The following RAB38 variants were observed in gnomAD, a reference collection of about 807,000 sequenced individuals.
The protein encoded by RAB38 is RAB38, member RAS oncogene family, also known as ras-related protein Rab-38.
RAB38 carries 15 observed loss-of-function variants against 18.4 expected under a neutral mutation model. The observed-to-expected ratio is 0.82, with a 90% CI of 0.55 to 1.26. The LOEUF (loss-of-function observed/expected upper bound fraction) is 1.26. Among genes scored for constraint, RAB38 ranks in the 50% most tolerant of loss-of-function variants. RAB38 has a pLI of 0.00. For synonymous variants in RAB38, 101 were observed against 104.4 expected, an observed-to-expected ratio of 0.97 and a Z score of 0.20; for missense variants, 294 against 267.4, an observed-to-expected ratio of 1.10 and a Z score of -0.69.
chr11:87,864,157 A>G, the RAB38 span, among the ~76,000 whole-genome samples: 1 of 151,736 alleles, frequency 6.6e-6, no homozygotes, highest in African/African-American at 2.4e-5. Flanking sequence ...TCATAGGTAG[A>G]TATGTGGACA....
At chr11:87,925,061 A>G in the RAB38 span, among the ~76,000 whole-genome samples, 1 of 152,006 alleles carries the variant, frequency 6.6e-6, no homozygotes, top group African/African-American at 2.4e-5. Context: ...CAGGGAGAGT[A>G]AAGAAGGCCT....
chr11:88,032,880 T>C, the RAB38 span, among the ~76,000 whole-genome samples: 1 of 152,240 alleles, frequency 6.6e-6, no homozygotes. Context: ...TTACTGGGTA[T>C]ATACCCAAAG....
chr11:88,048,077 C>A, the RAB38 span, among the ~76,000 whole-genome samples: 2 of 152,166 alleles, frequency 1.3e-5, no homozygotes, highest in African/African-American at 2.4e-5. Context: ...AATTCTACTA[C>A]TCCTCAGGGA....
chr11:87,888,457 A>T, the RAB38 span, among the ~76,000 whole-genome samples: 1 of 151,964 alleles, frequency 6.6e-6, no homozygotes, highest in Non-Finnish European at 1.5e-5. Context: ...ATCACTCTTT[A>T]TCTGTAAGAT....
chr11:87,950,745 A>T, the RAB38 span, among the ~76,000 whole-genome samples: 3 of 151,786 alleles, frequency 2.0e-5, no homozygotes, highest in African/African-American at 4.8e-5. Context: ...GAGTTTCTGC[A>T]GAGAGATCAG....
chr11:87,828,955 C>A, the RAB38 span, among the ~76,000 whole-genome samples: 8 of 152,168 alleles, frequency 5.3e-5, no homozygotes, highest in African/African-American at 1.9e-4. Flanking sequence ...CTATAACAAT[C>A]TTTAGTGAAA....
the RAB38 span, among the ~76,000 whole-genome samples, chr11:87,831,602 C>T: frequency 6.6e-6 from 1 of 152,102 alleles, no homozygotes; most frequent in Non-Finnish European, 1.5e-5. Flanking sequence ...GATAGGAGAC[C>T]ATTTGGCTTA....
chr11:87,807,818 T>A, the RAB38 span, among the ~76,000 whole-genome samples: 1 of 152,146 alleles, frequency 6.6e-6, no homozygotes, highest in African/African-American at 2.4e-5. Flanking sequence ...GTTCTGATAG[T>A]ATAGAAAAGC....
chr11:87,963,322 T>A, the RAB38 span, among the ~76,000 whole-genome samples: 1 of 152,162 alleles, frequency 6.6e-6, no homozygotes, highest in Non-Finnish European at 1.5e-5. Flanking sequence ...TAACCTTATG[T>A]CTTGGTACAC....
At chr11:88,087,654 G>T in the RAB38 span, among the ~76,000 whole-genome samples, 15 of 151,888 alleles carry the variant, frequency 9.9e-5, no homozygotes, top group African/African-American at 3.1e-4. Context: ...GCACATTAAG[G>T]GGTATGTCAA....
the RAB38 span, among the ~76,000 whole-genome samples, chr11:87,859,490 T>C: frequency 6.6e-6 from 1 of 152,034 alleles, no homozygotes; most frequent in Non-Finnish European, 1.5e-5. Flanking sequence ...GGTTGGAGGT[T>C]TGTGATTGTT....
chr11:88,032,086 ACTATCTGAT>A, the RAB38 span, among the ~76,000 whole-genome samples: 1 of 151,664 alleles, frequency 6.6e-6, no homozygotes, highest in Middle Eastern at 3.2e-3. Flanking sequence ...CATATCTACA[ACTATCTGAT>A]CTTTGACAAA....
chr11:87,956,147 A>C, the RAB38 span, among the ~76,000 whole-genome samples: 13 of 152,100 alleles, frequency 8.5e-5, no homozygotes, highest in Non-Finnish European at 1.8e-4. Flanking sequence ...TAAGTAAGTA[A>C]ATTATTTAAC....
chr11:87,849,410 G>A, the RAB38 span, among the ~76,000 whole-genome samples: 16 of 152,092 alleles, frequency 1.1e-4, no homozygotes, highest in African/African-American at 1.9e-4. Flanking sequence ...TTTGCTCAGC[G>A]CTGACTGCTC....
chr11:88,038,717 T>C, the RAB38 span, among the ~76,000 whole-genome samples: 1 of 152,352 alleles, frequency 6.6e-6, no homozygotes, highest in African/African-American at 2.4e-5. Context: ...ACGAATTATA[T>C]ATCTGCAAAA....
chr11:88,132,194 C>T lies in RAB38; in HGVS notation c.483+17481G>A, dbSNP rs114511526. On this transcript the variant is annotated intron_variant, in intron 2 of 2. Coordinates refer to ENST00000243662, the MANE Select transcript of RAB38 (RefSeq NM_022337.3). ...ATAAATGTGTGTTATTCTAAGCTGT[C>T]AAGTTTATGGCAATGCATTACACAG... Among the ~76,000 whole-genome samples, 819 of 152,288 alleles carry T rather than the reference C, an allele frequency of 5.4e-3. 5 individuals carry two copies. The highest frequency in any genetic ancestry group is 0.019 in the African/African-American group (780 of 41,550).
the RAB38 span, among the ~76,000 whole-genome samples, chr11:88,012,561 G>C: frequency 7.2e-6 from 1 of 138,076 alleles, no homozygotes; most frequent in South Asian, 2.7e-4. Flanking sequence ...GGACTAGAGT[G>C]AAGAAGAATT....
At chr11:87,807,182 C>G in the RAB38 span, among the ~76,000 whole-genome samples, 1 of 152,210 alleles carries the variant, frequency 6.6e-6, no homozygotes, top group Admixed American at 6.5e-5. Context: ...CCACAAAAAT[C>G]TGTGGAAAAA....
chr11:88,041,868 G>T, the RAB38 span, among the ~76,000 whole-genome samples: 20 of 152,092 alleles, frequency 1.3e-4, no homozygotes, highest in East Asian at 3.7e-3. Flanking sequence ...ATACCTAAGC[G>T]CAGCCCACAT....
Sources: allele counts gnomAD v4.1 joint callset (sites outside exome capture counted in the v4.1 genomes callset), GRCh38; gene constraint gnomAD v4.1.1; transcripts MANE v1.5; gene names NCBI Gene and HGNC (gene_info 2026-07-23, HGNC 2026-07-21).